TTC27: variants seen among roughly 807,000 people sequenced by gnomAD.
TTC27 encodes the protein tetratricopeptide repeat domain 27.
TTC27 carries 79 observed loss-of-function variants against 115.9 expected under a neutral mutation model. That is an observed-to-expected ratio of 0.68 (90% CI 0.57 to 0.82). The LOEUF is 0.82. TTC27 is among the 40% of genes least tolerant of loss of function. TTC27 has a pLI of 0.00. For synonymous variants in TTC27, 401 were observed against 356.0 expected (o/e 1.13, Z -1.42); for missense variants, 1,054 against 993.1 (o/e 1.06, Z -0.82).
At chr2:32,778,592 A>T (rs990008765) in intron 14 of TTC27, among the ~76,000 whole-genome samples, 1 of 152,204 alleles carries the variant, frequency 6.6e-6, no homozygotes, top group Admixed American at 6.5e-5. Flanking sequence ...AAATGGATTC[A>T]TACTTTTTGT....
At chr2:32,653,312 A>C (rs1665198181) in intron 5 of TTC27, among the ~76,000 whole-genome samples, 2 of 152,112 alleles carry the variant, frequency 1.3e-5, no homozygotes, top group African/African-American at 4.8e-5. Flanking sequence ...GTTCAAAAAA[A>C]CAGTCTCCAC....
chr2:32,800,950 T>C (rs1446134389), intron 16 of TTC27, among the ~76,000 whole-genome samples: 5 of 152,188 alleles, frequency 3.3e-5, no homozygotes, highest in African/African-American at 1.2e-4. Flanking sequence ...GCCATACTTC[T>C]AAGGAAAAGA....
chr2:32,716,799 T>G (rs530353733), intron 10 of TTC27, among the ~76,000 whole-genome samples: 13 of 151,504 alleles, frequency 8.6e-5, no homozygotes, highest in African/African-American at 2.9e-4. Context: ...ACTCAAGTGA[T>G]CCTCCCACCT....
intron 9 of TTC27, among the ~76,000 whole-genome samples, chr2:32,684,630 A>G (rs1006704343): frequency 2.0e-5 from 3 of 152,152 alleles, no homozygotes; most frequent in South Asian, 2.1e-4. Flanking sequence ...ATACTTATCT[A>G]TGATCATAAC....
chr2:32,787,183 G>A, intron 16 of TTC27, 34 bp downstream of exon 16: 1 of 1,585,330 alleles, frequency 6.3e-7, no homozygotes, highest in Non-Finnish European at 8.6e-7. Context: ...TTCAGTTTGT[G>A]TTTGATACTA....
chr2:32,744,221 C>G (rs1668742439), intron 12 of TTC27, among the ~76,000 whole-genome samples: 1 of 152,196 alleles, frequency 6.6e-6, no homozygotes, highest in Non-Finnish European at 1.5e-5. Flanking sequence ...AAGCAGTGAT[C>G]TCCTTGGTTT....
chr2:32,664,202 G>T (rs1465183544), intron 5 of TTC27, 101 bp from the exon 6 acceptor site: 2 of 1,016,960 alleles, frequency 2.0e-6, no homozygotes, highest in African/African-American at 1.6e-5. Flanking sequence ...TAACAACAGA[G>T]ACTATGTACT....
chr2:32,759,797 G>C (rs1669372309), intron 13 of TTC27, among the ~76,000 whole-genome samples: 1 of 152,134 alleles, frequency 6.6e-6, no homozygotes, highest in Non-Finnish European at 1.5e-5. Context: ...CTGGGTAACT[G>C]TCTTATGATT....
chr2:32,644,391 A>G (rs1161700820), intron 4 of TTC27, among the ~76,000 whole-genome samples: 1 of 151,776 alleles, frequency 6.6e-6, no homozygotes, highest in Non-Finnish European at 1.5e-5. Context: ...TTGAAAAATA[A>G]TATATATACT....
intron 12 of TTC27, among the ~76,000 whole-genome samples, chr2:32,739,245 G>C (rs954189672): frequency 6.6e-6 from 1 of 152,070 alleles, no homozygotes; most frequent in African/African-American, 2.4e-5. Context: ...CACTGGCCAA[G>C]AAATAAGTAA....
At chr2:32,734,975 G>A (rs1167268325) in intron 11 of TTC27, among the ~76,000 whole-genome samples, 1 of 152,170 alleles carries the variant, frequency 6.6e-6, no homozygotes, top group African/African-American at 2.4e-5. Context: ...GGAGTCAGAT[G>A]GAGCCAGCCA....
chr2:32,722,926 C>A (rs1572549012), intron 10 of TTC27, among the ~76,000 whole-genome samples: 2 of 152,186 alleles, frequency 1.3e-5, no homozygotes, highest in East Asian at 3.9e-4. Flanking sequence ...AAGAGCGACA[C>A]TGATGGGCTG....
chr2:32,658,247 C>G (rs948919283), intron 5 of TTC27, among the ~76,000 whole-genome samples: 6 of 152,220 alleles, frequency 3.9e-5, no homozygotes, highest in Admixed American at 6.5e-5. Context: ...TTCGTCCTCT[C>G]CAGTATCTGG....
intron 1 of TTC27, among the ~76,000 whole-genome samples, chr2:32,629,820 C>A (rs1481989227): frequency 6.6e-6 from 1 of 152,244 alleles, no homozygotes; most frequent in East Asian, 1.9e-4. Context: ...ACTGGCACAT[C>A]TGGTTGTGGG....
At chr2:32,793,271 T>C (rs1228054897) in intron 16 of TTC27, among the ~76,000 whole-genome samples, 2 of 152,216 alleles carry the variant, frequency 1.3e-5, no homozygotes, top group African/African-American at 2.4e-5. Context: ...AGAAAAAAAC[T>C]GTCAATCAAG....
intron 2 of TTC27, among the ~76,000 whole-genome samples, chr2:32,632,087 A>G (rs1373694819): frequency 6.6e-6 from 1 of 151,730 alleles, no homozygotes; most frequent in Non-Finnish European, 1.5e-5. Context: ...CTGGGATTAC[A>G]GACGTGAGCC....
At chr2:32,684,136 C>T (rs866308154) in intron 9 of TTC27, among the ~76,000 whole-genome samples, 1 of 152,020 alleles carries the variant, frequency 6.6e-6, no homozygotes, top group Non-Finnish European at 1.5e-5. Flanking sequence ...CCAGGCTGCA[C>T]GACAGAGTGA....
At chr2:32,706,118 T>C (rs1022571608) in intron 10 of TTC27, among the ~76,000 whole-genome samples, 6 of 149,110 alleles carry the variant, frequency 4.0e-5, no homozygotes, top group Admixed American at 1.3e-4. Flanking sequence ...AGTCTTGCTT[T>C]GTCACCCAGA....
chr2:32,759,717 T>G (rs1252424583), intron 13 of TTC27, among the ~76,000 whole-genome samples: 1 of 152,256 alleles, frequency 6.6e-6, no homozygotes, highest in Admixed American at 6.5e-5. Context: ...ATTAAACAAC[T>G]CCCTGTTTCC....
Sources: allele counts gnomAD v4.1 joint callset (sites outside exome capture counted in the v4.1 genomes callset), GRCh38; gene constraint gnomAD v4.1.1; transcripts MANE v1.5; gene names NCBI Gene and HGNC (gene_info 2026-07-23, HGNC 2026-07-21).